PIK3C2A: variants seen among roughly 807,000 people sequenced by gnomAD.
PIK3C2A encodes the protein phosphatidylinositol 4-phosphate 3-kinase C2 domain-containing subunit alpha.
In PIK3C2A, 97 loss-of-function variants were observed where a neutral mutation model predicts 204.5. The observed-to-expected ratio is 0.47, with a 90% CI of 0.40 to 0.56. The LOEUF is 0.56. Among genes scored for constraint, PIK3C2A ranks in the 20% least tolerant of loss-of-function variants. PIK3C2A has a pLI of 0.00. For synonymous variants in PIK3C2A, 653 were observed against 664.4 expected, an observed-to-expected ratio of 0.98 and a Z score of 0.26; for missense variants, 1,735 against 1,969.2, an observed-to-expected ratio of 0.88 and a Z score of 2.25.
At position 17,155,614 on chromosome 11, in the gene PIK3C2A, T is replaced by C; in HGVS notation, c.1081A>G (p.Thr361Ala). 1.2e-6 allele frequency: 2 copies of C among 1,600,280 alleles called. No individual in the cohort carries two copies. Among genetic ancestry groups the C allele is most frequent in the Non-Finnish European group, 1.7e-6 (2 of 1,168,814 alleles). Residue 361 changes from threonine to alanine, a missense_variant, in exon 3 of 33, where the codon ACC (threonine) becomes GCC (alanine). Thr to Ala is a moderately conservative substitution (Grantham distance 58). This residue lies in a region of PIK3C2A where 536 missense variants were observed against 546.7 expected (regional missense o/e 0.98). Coordinates refer to ENST00000691414, the MANE Select transcript of PIK3C2A (RefSeq NM_002645.4). ...GAACTTCCAGTTGGCAAACTACTGG[T>C]CCCATTTGGGTCTTTCTGTAATTAA... Reference protein sequence around the residue: ...GHISQKDPNGTSSLPTGSSLL... With the variant: ...GHISQKDPNGASSLPTGSSLL...
intron 21 of PIK3C2A, among the ~76,000 whole-genome samples, chr11:17,111,510 A>C (rs1467370430): frequency 6.6e-6 from 1 of 152,190 alleles, no homozygotes; most frequent in Non-Finnish European, 1.5e-5. Context: ...ATTTAAAAAC[A>C]CATAATAAGG....
intron 2 of PIK3C2A, among the ~76,000 whole-genome samples, chr11:17,165,877 C>A (rs1850932449): frequency 6.6e-6 from 1 of 151,376 alleles, no homozygotes; most frequent in Non-Finnish European, 1.5e-5. Context: ...TTCTGCAGCC[C>A]TCTCCTTGAC....
chr11:17,137,020 G>A (rs1290368483), intron 8 of PIK3C2A, among the ~76,000 whole-genome samples: 1 of 152,094 alleles, frequency 6.6e-6, no homozygotes, highest in Non-Finnish European at 1.5e-5. Flanking sequence ...AAGTTCTTCA[G>A]AGGTCGGTCA....
Position 17,114,342 on chromosome 11 carries a change from T to A in PIK3C2A, c.3321+19A>T. Reference sequence around the variant, plus strand: ...TATTTTCAAATGTAATATGAACTTATAAGTATTTTATGTGTCACCTTAATA... The same window carrying A: ...TATTTTCAAATGTAATATGAACTTAAAAGTATTTTATGTGTCACCTTAATA... On this transcript the variant is annotated intron_variant, in intron 20 of 32. Transcript: ENST00000691414. 8.6e-7 allele frequency: 1 copy of A among 1,163,474 alleles called. No homozygotes were observed. The highest frequency in any genetic ancestry group is 2.0e-4 in the Middle Eastern group (1 of 4,974). The allele number at this position is 1,163,474 out of a possible 1,614,324, so 72.1% of individuals were successfully genotyped here.
In PIK3C2A at chr11:17,148,715, A is replaced by ACATCTACTTGAT. The variant is rs1850331450; in HGVS notation, c.1388_1399dup (p.Asp466_Val467insAspGlnValAsp). On this transcript the variant is annotated inframe_insertion, in exon 5 of 33. Coordinates refer to ENST00000691414, the MANE Select transcript of PIK3C2A (RefSeq NM_002645.4). ...ACAAACTTTTAGAACATAGCTGCCA[A>ACATCTACTTGAT]CATCTACTTGATTCAAGTCATCATG... 1 of 1,613,322 alleles carries ACATCTACTTGAT rather than the reference A, an allele frequency of 6.2e-7. No individual in the cohort carries two copies.
At chr11:17,192,216 G>A (rs544373984) in intron 1 of PIK3C2A, among the ~76,000 whole-genome samples, 3 of 152,210 alleles carry the variant, frequency 2.0e-5, no homozygotes, top group East Asian at 3.9e-4. Context: ...GTTTAAACAT[G>A]TGTTTGAAGA....
At chr11:17,187,873 CA>C (rs1851808108) in intron 1 of PIK3C2A, among the ~76,000 whole-genome samples, 1 of 151,988 alleles carries the variant, frequency 6.6e-6, no homozygotes, top group Admixed American at 6.6e-5. Flanking sequence ...AAGGAAGAGA[CA>C]CCTTAGGGGA....
chr11:17,140,222 C>G (rs944830904), intron 8 of PIK3C2A, among the ~76,000 whole-genome samples: 3 of 152,014 alleles, frequency 2.0e-5, no homozygotes, highest in Non-Finnish European at 2.9e-5. Flanking sequence ...TGAAGCCAGC[C>G]TGGGTAAGAC....
intron 9 of PIK3C2A, among the ~76,000 whole-genome samples, chr11:17,136,067 T>C (rs1360334902): frequency 6.6e-6 from 1 of 152,176 alleles, no homozygotes; most frequent in African/African-American, 2.4e-5. Context: ...GCCCTTGGTC[T>C]TTTCTACAGG....
At chr11:17,164,331 A>G (rs1166106308) in intron 2 of PIK3C2A, among the ~76,000 whole-genome samples, 1 of 151,150 alleles carries the variant, frequency 6.6e-6, no homozygotes, top group Non-Finnish European at 1.5e-5. Context: ...CACCCTAGGT[A>G]AAACAGTGTG....
chr11:17,199,790 T>TG (rs1852301252), intron 1 of PIK3C2A, among the ~76,000 whole-genome samples: 1 of 151,494 alleles, frequency 6.6e-6, no homozygotes, highest in Non-Finnish European at 1.5e-5. Flanking sequence ...CTGGGCGTGG[T>TG]GGTACATGCC....
intron 13 of PIK3C2A, among the ~76,000 whole-genome samples, chr11:17,127,924 T>C (rs1186811276): frequency 6.6e-6 from 1 of 152,140 alleles, no homozygotes; most frequent in Non-Finnish European, 1.5e-5. Flanking sequence ...AGGGTAATAG[T>C]TCAGAATGTA....
At chr11:17,135,677 ATGTGTGTGTGTGTGTGTGTG>A (rs35017690) in intron 9 of PIK3C2A, among the ~76,000 whole-genome samples, 4 of 147,504 alleles carry the variant, frequency 2.7e-5, no homozygotes, top group East Asian at 2.0e-4. Flanking sequence ...AATTTCATAT[ATGTGTGTGTGTGTGTGTGTG>A]TGTGTGTGTG....
chr11:17,207,635 T>G (rs980172355), intron 1 of PIK3C2A, among the ~76,000 whole-genome samples: 1 of 151,884 alleles, frequency 6.6e-6, no homozygotes, highest in Admixed American at 6.6e-5. Flanking sequence ...AGCGCAGCAC[T>G]TGCTCACGGC....
In PIK3C2A at chr11:17,097,170, C is replaced by A. The variant is rs553276138; in HGVS notation, c.4213G>T (p.Asp1405Tyr). 3.1e-6 allele frequency: 5 copies of A among 1,612,304 alleles called. No individual in the cohort carries two copies. The highest frequency in any genetic ancestry group is 1.7e-5 in the Admixed American group (1 of 59,986). ...QLRFSGLPSN[D>Y]EPILSFSPKT... ...GGTGAAAATGAAAGGATGGGCTCATCATTAGAAGGAAGACCAGAAAAACGA... is the reference window on the plus strand; with the variant it reads ...GGTGAAAATGAAAGGATGGGCTCATAATTAGAAGGAAGACCAGAAAAACGA... Residue 1405 changes from aspartate (D) to tyrosine (Y), a missense_variant, in exon 27 of 33, where the codon GAT becomes TAT. This residue lies in a region of PIK3C2A where 503 missense variants were observed against 669.0 expected (regional missense o/e 0.75). Coordinates refer to ENST00000691414, the MANE Select transcript of PIK3C2A (RefSeq NM_002645.4).
At chr11:17,174,657 G>A (rs925604615) in intron 1 of PIK3C2A, among the ~76,000 whole-genome samples, 7 of 150,560 alleles carry the variant, frequency 4.6e-5, no homozygotes, top group African/African-American at 1.7e-4. Flanking sequence ...CCAGCACTTT[G>A]GGAGGCTGAG....
chr11:17,112,067 C>T (rs1032553498), intron 21 of PIK3C2A, among the ~76,000 whole-genome samples: 8 of 152,030 alleles, frequency 5.3e-5, no homozygotes, highest in African/African-American at 1.9e-4. Context: ...CAAGTAGAAG[C>T]AATCTTTATG....
intron 2 of PIK3C2A, among the ~76,000 whole-genome samples, chr11:17,161,894 T>C (rs1040195330): frequency 5.3e-5 from 8 of 152,200 alleles, no homozygotes; most frequent in African/African-American, 1.7e-4. Context: ...TGCCAATGAA[T>C]TGTGCCATGG....
chr11:17,134,429 T>G (rs1255034991), intron 11 of PIK3C2A, among the ~76,000 whole-genome samples: 1 of 152,092 alleles, frequency 6.6e-6, no homozygotes, highest in Non-Finnish European at 1.5e-5. Flanking sequence ...TGGTGCAATC[T>G]TGGCTCACCG....
Sources: allele counts gnomAD v4.1 joint callset (sites outside exome capture counted in the v4.1 genomes callset), GRCh38; gene constraint gnomAD v4.1.1; regional missense constraint gnomAD v4.1.1; transcripts MANE v1.5; gene names NCBI Gene and HGNC (gene_info 2026-07-23, HGNC 2026-07-21).